UHRF2: variants seen among roughly 807,000 people sequenced by gnomAD.
UHRF2 encodes the protein ubiquitin like with PHD and ring finger domains 2, also known as E3 ubiquitin-protein ligase UHRF2.
Under a neutral mutation model 96.8 loss-of-function variants are expected in UHRF2, and 23 were observed. The observed-to-expected ratio is 0.24, with a 90% confidence interval of 0.17 to 0.34. The LOEUF (loss-of-function observed/expected upper bound fraction) is 0.34, where lower values mean the gene tolerates loss of function less well. Ranked by LOEUF, UHRF2 falls within the 10% of genes least tolerant of loss-of-function variation. The pLI, the probability that UHRF2 is intolerant of heterozygous loss-of-function variation, is 1.00. For synonymous variants in UHRF2, 385 were observed against 332.6 expected (o/e 1.16, Z -1.72); for missense variants, 685 against 981.5 (o/e 0.70, Z 4.04).
intron 9 of UHRF2, among the ~76,000 whole-genome samples, chr9:6,493,109 C>T (rs1002913890): frequency 6.6e-6 from 1 of 152,026 alleles, no homozygotes; most frequent in East Asian, 1.9e-4. Context: ...ACCAACATGG[C>T]CAACATGACA....
intron 3 of UHRF2, among the ~76,000 whole-genome samples, chr9:6,442,670 G>T (rs1044942975): frequency 1.3e-5 from 2 of 150,840 alleles, no homozygotes; most frequent in African/African-American, 4.9e-5. Flanking sequence ...TTTTTTTGGG[G>T]GGGTAGAGAT....
At chr9:6,421,250 T>A (rs1202375148) in intron 2 of UHRF2, 108 bp downstream of exon 2, 1 of 851,068 alleles carries the variant, frequency 1.2e-6, no homozygotes, top group Non-Finnish European at 1.8e-6. Context: ...AAGTAAAGAT[T>A]GGGATGTTAA....
chr9:6,500,784 T>A, intron 14 of UHRF2, 75 bp downstream of exon 14: 1 of 1,389,108 alleles, frequency 7.2e-7, no homozygotes, highest in Non-Finnish European at 9.8e-7. Context: ...GAAGTCTGTT[T>A]TTCACACATC....
At chr9:6,471,662 A>C (rs1052049392) in intron 4 of UHRF2, among the ~76,000 whole-genome samples, 2 of 152,170 alleles carry the variant, frequency 1.3e-5, no homozygotes, top group African/African-American at 4.8e-5. Flanking sequence ...CTGCAATCTC[A>C]TGAAAGATCT....
chr9:6,450,472 A>T (rs965534945), intron 3 of UHRF2, among the ~76,000 whole-genome samples: 30 of 152,298 alleles, frequency 2.0e-4, no homozygotes, highest in African/African-American at 7.0e-4. Flanking sequence ...AAACTCTGTT[A>T]GATAAGACTA....
rs1228167731 is a variant in UHRF2, at chr9:6,498,008, T to G, written c.1768-10T>G. 2.5e-6 allele frequency: 4 copies of G among 1,610,918 alleles called. No individual in the cohort carries two copies. In the Admixed American group the frequency reaches 5.0e-5, roughly 20 times the overall value. ...AAATCTCAAACTGGCACTGAAATAT[T>G]GTGATTTAGGTGGTGAAATACTGGC... On this transcript the variant is annotated splice_polypyrimidine_tract_variant and intron_variant, in intron 11 of 15. Transcript: ENST00000276893.
intron 2 of UHRF2, among the ~76,000 whole-genome samples, chr9:6,431,431 ACT>A (rs1036162282): frequency 1.3e-4 from 20 of 152,034 alleles, no homozygotes; most frequent in Admixed American, 1.1e-3. Flanking sequence ...AACATAGCAA[ACT>A]CTGTCTCTAC....
At chr9:6,440,007 A>G (rs1821072203) in intron 3 of UHRF2, among the ~76,000 whole-genome samples, 2 of 152,308 alleles carry the variant, frequency 1.3e-5, no homozygotes, top group South Asian at 4.1e-4. Flanking sequence ...TGTACTGTTC[A>G]GTTGTATATC....
chr9:6,428,688 T>G (rs530004048), intron 2 of UHRF2, among the ~76,000 whole-genome samples: 1 of 151,940 alleles, frequency 6.6e-6, no homozygotes, highest in South Asian at 2.1e-4. Context: ...TAACCGGGAC[T>G]ACAGGTCTGT....
intron 2 of UHRF2, among the ~76,000 whole-genome samples, chr9:6,430,158 A>G (rs1820486327): frequency 6.6e-6 from 1 of 152,164 alleles, no homozygotes; most frequent in Non-Finnish European, 1.5e-5. Context: ...TTACAGGTGC[A>G]TGCCACCATG....
At chr9:6,441,940 T>G (rs145070081) in intron 3 of UHRF2, among the ~76,000 whole-genome samples, 9 of 152,306 alleles carry the variant, frequency 5.9e-5, no homozygotes, top group African/African-American at 2.2e-4. Context: ...TGTTAAATTC[T>G]TGAGTGGGGG....
chr9:6,439,990 GT>G (rs1821071649), intron 3 of UHRF2, among the ~76,000 whole-genome samples: 1 of 152,156 alleles, frequency 6.6e-6, no homozygotes, highest in African/African-American at 2.4e-5. Context: ...TTTCATTTTA[GT>G]AAGTGTGTAC....
chr9:6,440,743 AT>A (rs1821114424), intron 3 of UHRF2, among the ~76,000 whole-genome samples: 1 of 152,140 alleles, frequency 6.6e-6, no homozygotes, highest in Non-Finnish European at 1.5e-5. Flanking sequence ...CTTTCAGTGG[AT>A]TTTATTTAGA....
intron 2 of UHRF2, among the ~76,000 whole-genome samples, chr9:6,422,482 T>G (rs1156640561): frequency 6.6e-6 from 1 of 152,224 alleles, no homozygotes; most frequent in East Asian, 1.9e-4. Context: ...AAATAGCATA[T>G]AAAGCTCTAC....
Position 6,488,568 on chromosome 9 carries a change from A to G in UHRF2, c.1497+1643A>G, listed in dbSNP as rs1276048980. Among the ~76,000 whole-genome samples the G allele has an allele frequency of 3.1e-3, 248 of 78,902 alleles. 2 individuals are homozygous for G. The highest frequency in any genetic ancestry group is 0.013 in the African/African-American group (241 of 18,072). The allele number at this position is 78,902 out of a possible 152,430, so 51.8% of individuals were successfully genotyped here. On this transcript the variant is annotated intron_variant, in intron 9 of 15. Coordinates refer to ENST00000276893, the MANE Select transcript of UHRF2 (RefSeq NM_152896.3). Reference sequence around the variant, plus strand: ...TTTTTTTTTTTTTTTTTTTTTTGAGATGGAATCTTGCCCTTGTCGCCCAGC... The same window carrying G: ...TTTTTTTTTTTTTTTTTTTTTTGAGGTGGAATCTTGCCCTTGTCGCCCAGC...
chr9:6,416,535 CTTTTTTTTTTTT>C lies in UHRF2; in HGVS notation c.153+2906_153+2917del, dbSNP rs60522189. ...AGATTATGTTGGTGGATCTCTAAAT[CTTTTTTTTTTTT>C]TTTTTTTTTTTTTGAGACGGAGTCT... On this transcript the variant is annotated intron_variant, in intron 1 of 15. Coordinates refer to ENST00000276893, the MANE Select transcript of UHRF2 (RefSeq NM_152896.3). Among the ~76,000 whole-genome samples the C allele has an allele frequency of 6.2e-5, 4 of 64,932 alleles. 1 individual carries two copies. Among genetic ancestry groups the C allele is most frequent in the African/African-American group, 2.5e-4 (4 of 16,044 alleles). The allele number at this position is 64,932 out of a possible 152,430, so 42.6% of individuals were successfully genotyped here. A position where few individuals can be genotyped will look rare whatever the true frequency, so the allele number is the denominator to read the frequency against.
chr9:6,496,595 G>A (rs1824986443), intron 10 of UHRF2: 1 of 152,160 alleles, frequency 6.6e-6, no homozygotes, highest in African/African-American at 2.4e-5. Flanking sequence ...ATTGTCATTA[G>A]CACAGGCATT....
At chr9:6,470,202 G>A (rs1368121531) in intron 4 of UHRF2, among the ~76,000 whole-genome samples, 3 of 152,092 alleles carry the variant, frequency 2.0e-5, no homozygotes, top group Non-Finnish European at 4.4e-5. Flanking sequence ...GCAAAACCAT[G>A]TCTCTACTAA....
chr9:6,491,261 C>A (rs1824641319), intron 9 of UHRF2, among the ~76,000 whole-genome samples: 1 of 152,174 alleles, frequency 6.6e-6, no homozygotes. Flanking sequence ...GGAGCCATCT[C>A]TTTTCCTAGT....
Sources: gnomAD v4.1 joint callset for allele counts (sites outside exome capture counted in the v4.1 genomes callset) on GRCh38, gnomAD v4.1.1 for gene constraint, MANE v1.5 for transcripts, NCBI Gene and HGNC (gene_info 2026-07-23, HGNC 2026-07-21) for gene names.